CSMD1: variants seen among roughly 807,000 people sequenced by gnomAD.
CSMD1 encodes CUB and Sushi multiple domains 1.
In CSMD1, 213 loss-of-function variants were observed where a neutral mutation model predicts 417.5. The observed-to-expected ratio is 0.51, with a 90% CI of 0.46 to 0.57. The LOEUF (loss-of-function observed/expected upper bound fraction) is 0.57. Ranked by LOEUF, CSMD1 falls within the 20% of genes least tolerant of loss-of-function variation. CSMD1 has a pLI of 0.00. For missense variants in CSMD1, 6,923 were observed against 4,529.7 expected (o/e 1.53, Z -15.17); for synonymous variants, 2,862 against 1,736.8 (o/e 1.65, Z -16.11).
intron 12 of CSMD1, among the ~76,000 whole-genome samples, chr8:3,435,089 G>A (rs183405914): frequency 1.3e-5 from 2 of 152,234 alleles, no homozygotes; most frequent in South Asian, 2.1e-4. Context: ...GCAATCCATG[G>A]AAGAGAGACG....
chr8:3,262,742 C>T (rs1260746149), intron 26 of CSMD1, among the ~76,000 whole-genome samples: 2 of 151,906 alleles, frequency 1.3e-5, no homozygotes, highest in Non-Finnish European at 2.9e-5. Context: ...TGGAAAATGT[C>T]CTTTAATAAG....
intron 7 of CSMD1, among the ~76,000 whole-genome samples, chr8:3,622,176 C>G (rs1436075402): frequency 1.3e-5 from 2 of 152,162 alleles, no homozygotes; most frequent in Non-Finnish European, 2.9e-5. Context: ...ATGCATTTAG[C>G]TTTAATAATT....
At chr8:3,638,148 C>T (rs1797136820) in intron 7 of CSMD1, among the ~76,000 whole-genome samples, 1 of 152,156 alleles carries the variant, frequency 6.6e-6, no homozygotes, top group South Asian at 2.1e-4. Flanking sequence ...AGATCTCCTG[C>T]CCCTCACTGA....
intron 7 of CSMD1, among the ~76,000 whole-genome samples, chr8:3,669,202 G>C (rs967291653): frequency 3.9e-5 from 6 of 152,208 alleles, no homozygotes; most frequent in African/African-American, 1.4e-4. Flanking sequence ...TGAAAGGCTA[G>C]GAGCATAAAT....
intron 5 of CSMD1, among the ~76,000 whole-genome samples, chr8:3,803,924 G>A (rs1167033714): frequency 1.3e-5 from 2 of 151,962 alleles, no homozygotes; most frequent in African/African-American, 2.4e-5. Context: ...AAGAGACAAA[G>A]TTTCTCTTTT....
At chr8:3,722,931 T>C (rs1802272219) in intron 6 of CSMD1, among the ~76,000 whole-genome samples, 1 of 152,192 alleles carries the variant, frequency 6.6e-6, no homozygotes, top group Non-Finnish European at 1.5e-5. Flanking sequence ...GTGCCAGTTT[T>C]TCTTGCCACA....
At chr8:4,816,778 G>C (rs1215467624) in intron 1 of CSMD1, among the ~76,000 whole-genome samples, 1 of 152,166 alleles carries the variant, frequency 6.6e-6, no homozygotes, top group East Asian at 1.9e-4. Flanking sequence ...GGATGGGGAT[G>C]AAGGAACAGG....
chr8:4,746,798 G>C (rs1160047041), intron 1 of CSMD1, among the ~76,000 whole-genome samples: 4 of 152,176 alleles, frequency 2.6e-5, no homozygotes, highest in East Asian at 1.9e-4. Flanking sequence ...ACCATCAAAA[G>C]ATAACTGTGT....
At chr8:4,887,782 T>G (rs144792570) in intron 1 of CSMD1, among the ~76,000 whole-genome samples, 32 of 152,222 alleles carry the variant, frequency 2.1e-4, no homozygotes, top group African/African-American at 7.2e-4. Flanking sequence ...TTTTTAAATG[T>G]CTCACTTCGT....
intron 3 of CSMD1, among the ~76,000 whole-genome samples, chr8:4,393,850 G>T (rs1435533060): frequency 6.6e-6 from 1 of 152,118 alleles, no homozygotes; most frequent in African/African-American, 2.4e-5. Flanking sequence ...TTCTAGGAAT[G>T]TACACACATG....
chr8:3,372,543 T>C (rs1810028911), intron 18 of CSMD1, among the ~76,000 whole-genome samples: 1 of 152,122 alleles, frequency 6.6e-6, no homozygotes, highest in African/African-American at 2.4e-5. Flanking sequence ...GCCTGTGTCC[T>C]GAAGGTAGAG....
intron 12 of CSMD1, among the ~76,000 whole-genome samples, chr8:3,432,035 T>C (rs1022279431): frequency 2.0e-5 from 3 of 152,196 alleles, no homozygotes; most frequent in Non-Finnish European, 2.9e-5. Context: ...TGCTAAATTT[T>C]TGAAGTTCCT....
rs538562071 is a variant in CSMD1 at position 4,905,614 on chromosome 8, T to A, written c.85+88718A>T. On this transcript the variant is annotated intron_variant, in intron 1 of 69. Coordinates refer to ENST00000635120, the MANE Select transcript of CSMD1 (RefSeq NM_033225.6). ...GTGGGCCCATCACGAGGTCATGAGA[T>A]CGAGGCCATCCTGGCTAACACGGTG... Among the ~76,000 whole-genome samples the A allele has an allele frequency of 5.3e-5, 8 of 151,618 alleles. No homozygotes were observed. In the South Asian group the frequency reaches 8.3e-4, roughly 16 times the overall value.
At chr8:4,454,251 A>AC (rs1389025659) in intron 2 of CSMD1, among the ~76,000 whole-genome samples, 1 of 152,126 alleles carries the variant, frequency 6.6e-6, no homozygotes, top group Non-Finnish European at 1.5e-5. Context: ...TACAGTGCTT[A>AC]CCGCCTCTCA....
At position 3,859,197 on chromosome 8, in the gene CSMD1, G is replaced by A. The variant is rs1313700322; in HGVS notation, c.819-105155C>T. 2.0e-5 allele frequency among the ~76,000 whole-genome samples: 3 copies of A among 152,164 alleles called. No individual in the cohort carries two copies. The East Asian group carries it at 5.8e-4, about 29-fold the overall frequency. ...AACAGGCTCTCTAAATATGTGCGTAGCAGAGGAGTACGTGGGAAAGCCACC... is the reference window on the plus strand; with the variant it reads ...AACAGGCTCTCTAAATATGTGCGTAACAGAGGAGTACGTGGGAAAGCCACC... On this transcript the variant is annotated intron_variant, in intron 5 of 69. Transcript: ENST00000635120.
intron 49 of CSMD1, among the ~76,000 whole-genome samples, chr8:3,079,570 G>C (rs1031598806): frequency 6.6e-6 from 1 of 152,172 alleles, no homozygotes; most frequent in Non-Finnish European, 1.5e-5. Flanking sequence ...AGGATTTTAA[G>C]ATTTACAAAA....
At chr8:3,235,188 A>G (rs533619669) in intron 26 of CSMD1, among the ~76,000 whole-genome samples, 4 of 152,378 alleles carry the variant, frequency 2.6e-5, no homozygotes, top group African/African-American at 9.6e-5. Flanking sequence ...AATGAATGTT[A>G]TATAATAGTA....
intron 2 of CSMD1, among the ~76,000 whole-genome samples, chr8:4,469,799 C>G (rs183075976): frequency 6.6e-6 from 1 of 152,114 alleles, no homozygotes; most frequent in African/African-American, 2.4e-5. Context: ...TGCTTACAGC[C>G]TTCTCACGGA....
chr8:3,483,894 A>G (rs995827334), intron 11 of CSMD1, among the ~76,000 whole-genome samples: 2 of 152,222 alleles, frequency 1.3e-5, no homozygotes, highest in African/African-American at 4.8e-5. Flanking sequence ...AGAACATGAT[A>G]TATCAGCTAA....
Sources: gnomAD v4.1 joint callset for allele counts (sites outside exome capture counted in the v4.1 genomes callset) on GRCh38, gnomAD v4.1.1 for gene constraint, MANE v1.5 for transcripts, NCBI Gene and HGNC (gene_info 2026-07-23, HGNC 2026-07-21) for gene names.